LYPLAL1: variants seen among roughly 807,000 people sequenced by gnomAD.
LYPLAL1 encodes lysophospholipase like 1.
LYPLAL1 carries 23 observed loss-of-function variants against 19.7 expected under a neutral mutation model. The ratio of observed to expected loss-of-function variants is 1.17; its 90% confidence interval spans 0.84 to 1.65. LYPLAL1 has a LOEUF of 1.65. LYPLAL1 is among the 40% of genes most tolerant of loss of function. LYPLAL1 has a pLI of 0.00. For missense variants in LYPLAL1, 355 were observed against 279.4 expected (o/e 1.27, Z -1.93); for synonymous variants, 119 against 96.3 (o/e 1.24, Z -1.38).
chr1:219,411,637 C>G, the LYPLAL1 span: 6 of 152,292 alleles, frequency 3.9e-5, no homozygotes, highest in Non-Finnish European at 7.3e-5. Flanking sequence ...ACTGTGGAAG[C>G]TTTATTCTTT....
chr1:219,176,165 T>A (rs1329219617), intron 1 of LYPLAL1, among the ~76,000 whole-genome samples: 1 of 152,224 alleles, frequency 6.6e-6, no homozygotes, highest in Admixed American at 6.5e-5. Context: ...CCTTTTCTAT[T>A]AATAAAGTAC....
At chr1:219,334,883 A>G in the LYPLAL1 span, among the ~76,000 whole-genome samples, 1 of 151,926 alleles carries the variant, frequency 6.6e-6, no homozygotes, top group Non-Finnish European at 1.5e-5. Flanking sequence ...GGTAACATGG[A>G]AGGCACAGAA....
chr1:219,257,236 T>C, the LYPLAL1 span, among the ~76,000 whole-genome samples: 1 of 152,042 alleles, frequency 6.6e-6, no homozygotes, highest in African/African-American at 2.4e-5. Context: ...TTAATAGCTG[T>C]ATATATGTCT....
the LYPLAL1 span, among the ~76,000 whole-genome samples, chr1:219,359,161 A>G: frequency 6.6e-6 from 1 of 152,198 alleles, no homozygotes; most frequent in African/African-American, 2.4e-5. Context: ...CACTCTTAAT[A>G]TGATAAAGAG....
At chr1:219,204,383 A>G (rs552303016) in intron 3 of LYPLAL1, among the ~76,000 whole-genome samples, 1 of 152,324 alleles carries the variant, frequency 6.6e-6, no homozygotes, top group East Asian at 1.9e-4. Flanking sequence ...AGTGTGCAGA[A>G]TATAAGCATT....
At chr1:219,413,070 A>C in the LYPLAL1 span, among the ~76,000 whole-genome samples, 1 of 152,186 alleles carries the variant, frequency 6.6e-6, no homozygotes, top group Non-Finnish European at 1.5e-5. Context: ...TTAACTACTT[A>C]GAGATACTAG....
the LYPLAL1 span, among the ~76,000 whole-genome samples, chr1:219,307,339 A>G: frequency 1.3e-5 from 2 of 152,204 alleles, no homozygotes; most frequent in African/African-American, 4.8e-5. Context: ...GACATTAGCC[A>G]TGAATTGAAG....
Position 219,211,753 on chromosome 1 carries a change from G to GT in LYPLAL1, c.*26dup. The GT allele has an allele frequency of 6.8e-7, 1 of 1,480,742 alleles. No individual in the cohort carries two copies. The highest frequency in any genetic ancestry group is 9.3e-7 in the Non-Finnish European group (1 of 1,081,022). 91.7% of individuals were successfully genotyped at this position (1,480,742 alleles called of 1,614,324 possible). On this transcript the variant is annotated 3_prime_UTR_variant, in exon 5 of 5. Transcript: ENST00000366928. ...AATGAATCAAGAGTGATTTGTTAAT[G>GT]TAAGTGTAATGTCTTTGTGAAAAGT... is the stretch of plus-strand genomic sequence containing the variant.
the LYPLAL1 span, among the ~76,000 whole-genome samples, chr1:219,360,425 C>T: frequency 4.6e-5 from 7 of 152,178 alleles, no homozygotes; most frequent in East Asian, 1.9e-4. Flanking sequence ...AATTCGTACT[C>T]GTAGACATCG....
At chr1:219,377,764 GAC>G in the LYPLAL1 span, among the ~76,000 whole-genome samples, 4 of 151,884 alleles carry the variant, frequency 2.6e-5, no homozygotes, top group Admixed American at 2.0e-4. Context: ...AAATTTTAAT[GAC>G]CCGACTCTTA....
chr1:219,291,885 C>CA, the LYPLAL1 span, among the ~76,000 whole-genome samples: 1,947 of 117,720 alleles, frequency 0.017, 24 homozygotes, highest in African/African-American at 0.038. Context: ...CGGAATAAAG[C>CA]AAAAAAAAAA....
chr1:219,338,624 A>C, the LYPLAL1 span, among the ~76,000 whole-genome samples: 5 of 152,064 alleles, frequency 3.3e-5, no homozygotes, highest in East Asian at 9.7e-4. Flanking sequence ...AAAAAAAACA[A>C]AAACAGAAGT....
chr1:219,324,987 C>T, the LYPLAL1 span, among the ~76,000 whole-genome samples: 1 of 152,052 alleles, frequency 6.6e-6, no homozygotes. Flanking sequence ...TCTGTGTGTT[C>T]CCAAATACAC....
the LYPLAL1 span, among the ~76,000 whole-genome samples, chr1:219,357,513 C>T: frequency 3.6e-4 from 55 of 152,116 alleles, no homozygotes; most frequent in Non-Finnish European, 5.9e-4. Context: ...ACTAGAATGG[C>T]TAATTATCAA....
intron 3 of LYPLAL1, among the ~76,000 whole-genome samples, chr1:219,202,651 C>T (rs1658209489): frequency 6.6e-6 from 1 of 152,074 alleles, no homozygotes. Flanking sequence ...TTTTATTAAG[C>T]ACACACAACC....
the LYPLAL1 span, among the ~76,000 whole-genome samples, chr1:219,442,060 T>C: frequency 2.6e-5 from 4 of 152,188 alleles, no homozygotes; most frequent in African/African-American, 9.7e-5. Flanking sequence ...TTTCCTCATC[T>C]GGCAAATGAT....
At chr1:219,417,425 G>A in the LYPLAL1 span, among the ~76,000 whole-genome samples, 1 of 152,122 alleles carries the variant, frequency 6.6e-6, no homozygotes, top group Non-Finnish European at 1.5e-5. Context: ...TGTCATGCAC[G>A]GGTAGCAAAG....
the LYPLAL1 span, among the ~76,000 whole-genome samples, chr1:219,230,950 T>C: frequency 6.6e-6 from 1 of 152,192 alleles, no homozygotes; most frequent in Non-Finnish European, 1.5e-5. Context: ...CACGTGGGCA[T>C]TGTTCTGATT....
chr1:219,433,901 A>T, the LYPLAL1 span, among the ~76,000 whole-genome samples: 2 of 152,348 alleles, frequency 1.3e-5, no homozygotes, highest in Middle Eastern at 3.4e-3. Context: ...CTTGGTAAAC[A>T]TTGGCTCCAC....
Sources: gnomAD v4.1 joint callset for allele counts (sites outside exome capture counted in the v4.1 genomes callset) on GRCh38, gnomAD v4.1.1 for gene constraint, MANE v1.5 for transcripts, NCBI Gene and HGNC (gene_info 2026-07-23, HGNC 2026-07-21) for gene names.